PARM1: variants seen among roughly 807,000 people sequenced by gnomAD.
The protein encoded by PARM1 is prostate androgen-regulated mucin-like protein 1.
In PARM1, 14 loss-of-function variants were observed where a neutral mutation model predicts 24.6. That is an observed-to-expected ratio of 0.57 (90% CI 0.38 to 0.89). PARM1 has a LOEUF of 0.89. Among genes scored for constraint, PARM1 ranks in the 40% least tolerant of loss-of-function variants. PARM1 has a pLI of 0.00. For missense variants in PARM1, 362 were observed against 380.4 expected, an observed-to-expected ratio of 0.95 and a Z score of 0.40; for synonymous variants, 179 against 156.6, an observed-to-expected ratio of 1.14 and a Z score of -1.07.
At chr4:74,996,170 GC>G (rs1722573265) in intron 1 of PARM1, among the ~76,000 whole-genome samples, 1 of 151,918 alleles carries the variant, frequency 6.6e-6, no homozygotes, top group African/African-American at 2.4e-5. Context: ...TTGTAGGCCT[GC>G]CCCCCAATGT....
intron 1 of PARM1, among the ~76,000 whole-genome samples, chr4:74,973,915 G>A (rs1722091101): frequency 6.6e-6 from 1 of 152,064 alleles, no homozygotes; most frequent in Non-Finnish European, 1.5e-5. Context: ...AAGAGAGAGA[G>A]ATTTATTGTA....
chr4:74,934,902 T>G (rs1230127136), intron 1 of PARM1, among the ~76,000 whole-genome samples: 1 of 152,238 alleles, frequency 6.6e-6, no homozygotes, highest in Non-Finnish European at 1.5e-5. Context: ...TCATTTCCTT[T>G]TTTAAACAGC....
intron 1 of PARM1, among the ~76,000 whole-genome samples, chr4:74,999,679 C>G (rs1292677057): frequency 2.0e-5 from 3 of 152,174 alleles, no homozygotes; most frequent in Non-Finnish European, 4.4e-5. Flanking sequence ...AAGAAGTAAA[C>G]TAAGCAACGC....
rs901162822 is a variant in PARM1, at chr4:75,046,493, C to T, written c.*246C>T. 5.2e-6 allele frequency: 2 copies of T among 383,910 alleles called. No individual in the cohort carries two copies. The highest frequency in any genetic ancestry group is 4.8e-6 in the Non-Finnish European group (1 of 209,870). The allele number at this position is 383,910 out of a possible 1,614,324, so 23.8% of individuals were successfully genotyped here. A position where few individuals can be genotyped will look rare whatever the true frequency, so the allele number is the denominator to read the frequency against. On this transcript the variant is annotated 3_prime_UTR_variant, in exon 4 of 4. Transcript: ENST00000307428. Reference sequence around the variant, plus strand: ...CTGAAGTGGGCCAGCCTTGCACCAGCCAGGCCAGACCACCATGGTGAAGGC... The same window carrying T: ...CTGAAGTGGGCCAGCCTTGCACCAGTCAGGCCAGACCACCATGGTGAAGGC...
At chr4:74,934,996 C>CTTTT (rs11392364) in intron 1 of PARM1, among the ~76,000 whole-genome samples, 3 of 116,558 alleles carry the variant, frequency 2.6e-5, no homozygotes, top group African/African-American at 6.8e-5. Context: ...GCTCTTTTTT[C>CTTTT]TTTTTTTTTT....
chr4:75,003,736 T>C (rs547444180), intron 1 of PARM1, among the ~76,000 whole-genome samples: 4 of 152,298 alleles, frequency 2.6e-5, no homozygotes, highest in Non-Finnish European at 4.4e-5. Flanking sequence ...TTCTGGAGCA[T>C]TGGGTGCCCT....
chr4:74,938,532 T>C (rs185880593), intron 1 of PARM1, among the ~76,000 whole-genome samples: 1 of 152,326 alleles, frequency 6.6e-6, no homozygotes. Context: ...GGTGGGTAGA[T>C]AGTGAATGTC....
At chr4:74,953,928 G>A (rs1721580830) in intron 1 of PARM1, among the ~76,000 whole-genome samples, 1 of 152,170 alleles carries the variant, frequency 6.6e-6, no homozygotes, top group Admixed American at 6.5e-5. Context: ...GGCAAGTCAA[G>A]CTGACTGATT....
At chr4:75,007,060 C>T (rs181390408) in intron 1 of PARM1, among the ~76,000 whole-genome samples, 5 of 152,188 alleles carry the variant, frequency 3.3e-5, no homozygotes, top group Middle Eastern at 3.4e-3. Context: ...AAAAAGTGGG[C>T]GAAGGATATG....
At position 74,940,379 on chromosome 4, in the gene PARM1, A is replaced by G. The variant is rs533325353; in HGVS notation, c.43+7009A>G. Among the ~76,000 whole-genome samples the G allele has an allele frequency of 4.6e-5, 7 of 152,306 alleles. No individual in the cohort carries two copies. In the East Asian group the frequency reaches 1.4e-3, roughly 29 times the overall value. ...ATAAACAGGGTGGCTTATAAACAAT[A>G]TTTATTTCTTACAGTTCTAGAGATT... On this transcript the variant is annotated intron_variant, in intron 1 of 3. Transcript: ENST00000307428.
chr4:74,938,776 A>G (rs1028295774), intron 1 of PARM1, among the ~76,000 whole-genome samples: 7 of 152,174 alleles, frequency 4.6e-5, no homozygotes, highest in Non-Finnish European at 2.9e-5. Context: ...AGCATGGCCA[A>G]TTTCTTTCAC....
chr4:74,979,590 A>G (rs1485253003), intron 1 of PARM1, among the ~76,000 whole-genome samples: 1 of 152,158 alleles, frequency 6.6e-6, no homozygotes, highest in African/African-American at 2.4e-5. Context: ...AAAAGGAGGG[A>G]CTTCTCCCTA....
At chr4:74,941,246 A>G (rs1424474974) in intron 1 of PARM1, among the ~76,000 whole-genome samples, 1 of 152,226 alleles carries the variant, frequency 6.6e-6, no homozygotes, top group Non-Finnish European at 1.5e-5. Context: ...TTGGAGACCT[A>G]TTCAGATAGG....
chr4:74,997,460 G>A (rs1428956796), intron 1 of PARM1, among the ~76,000 whole-genome samples: 1 of 152,144 alleles, frequency 6.6e-6, no homozygotes, highest in Non-Finnish European at 1.5e-5. Context: ...AAAGACCTGA[G>A]GGATTACTGG....
Position 75,047,999 on chromosome 4 carries a change from T to G in PARM1, c.*1752T>G, listed in dbSNP as rs938094353. The G allele has an allele frequency of 1.3e-5, 2 of 152,210 alleles. No homozygotes were observed. Among genetic ancestry groups the G allele is most frequent in the Admixed American group, 1.3e-4 (2 of 15,282 alleles). 9.4% of individuals were successfully genotyped at this position (152,210 alleles called of 1,614,324 possible). On this transcript the variant is annotated 3_prime_UTR_variant, in exon 4 of 4. Transcript: ENST00000307428. ...CATTGGGTCCGACTTCAAAATGTGT[T>G]GTATTGTCCTACAGTGTCATAAAGA...
intron 1 of PARM1, among the ~76,000 whole-genome samples, chr4:74,985,486 A>C (rs1722333384): frequency 6.6e-6 from 1 of 152,192 alleles, no homozygotes; most frequent in Non-Finnish European, 1.5e-5. Flanking sequence ...AGAAGATGCT[A>C]CTATTATCCC....
At chr4:74,933,671 G>T (rs1721115294) in intron 1 of PARM1, among the ~76,000 whole-genome samples, 1 of 152,222 alleles carries the variant, frequency 6.6e-6, no homozygotes, top group Admixed American at 6.5e-5. Context: ...CACGGACTGC[G>T]CCTCAAGGCT....
intron 1 of PARM1, among the ~76,000 whole-genome samples, chr4:74,979,096 ACAAC>A (rs1722194155): frequency 6.6e-6 from 1 of 152,166 alleles, no homozygotes; most frequent in South Asian, 2.1e-4. Context: ...GAAATAAGAA[ACAAC>A]CAAGATCAGA....
intron 1 of PARM1, among the ~76,000 whole-genome samples, chr4:74,937,704 A>G (rs997072728): frequency 6.6e-6 from 1 of 152,218 alleles, no homozygotes; most frequent in Admixed American, 6.5e-5. Flanking sequence ...AGTGTACTAT[A>G]TGCTGCACTA....
Sources: gnomAD v4.1 joint callset for allele counts (sites outside exome capture counted in the v4.1 genomes callset) on GRCh38, gnomAD v4.1.1 for gene constraint, MANE v1.5 for transcripts, NCBI Gene and HGNC (gene_info 2026-07-23, HGNC 2026-07-21) for gene names.